SLC4A4: variants seen among roughly 807,000 people sequenced by gnomAD.
SLC4A4 encodes the protein electrogenic sodium bicarbonate cotransporter 1.
A neutral mutation model predicts 111.5 loss-of-function variants in SLC4A4; 27 were observed. That is an observed-to-expected ratio of 0.24 (90% confidence interval 0.18 to 0.33). The LOEUF is 0.33. Among genes scored for constraint, SLC4A4 ranks in the 10% least tolerant of loss-of-function variants. The probability of loss-of-function intolerance (pLI) is 1.00; values close to 1 mark genes in which losing one functional copy is unlikely to be tolerated. For missense variants in SLC4A4, 909 were observed against 1,315.5 expected (o/e 0.69, Z 4.78); for synonymous variants, 443 against 463.4 (o/e 0.96, Z 0.57).
At chr4:71,156,405 T>G (rs1282457503) in intron 2 of SLC4A4, among the ~76,000 whole-genome samples, 2 of 152,166 alleles carry the variant, frequency 1.3e-5, no homozygotes, top group Non-Finnish European at 2.9e-5. Context: ...GTCATGCTTT[T>G]GATAAGTTCT....
chr4:71,278,623 A>G (rs1261534659), intron 3 of SLC4A4, among the ~76,000 whole-genome samples: 2 of 152,158 alleles, frequency 1.3e-5, no homozygotes, highest in African/African-American at 2.4e-5. Context: ...TTTTCATAAT[A>G]GTTATCCTAA....
At chr4:71,366,315 TTGTGTG>T (rs71673473) in intron 6 of SLC4A4, among the ~76,000 whole-genome samples, 176 of 138,002 alleles carry the variant, frequency 1.3e-3, no homozygotes, top group South Asian at 3.1e-3. Context: ...TCTGGAGATA[TTGTGTG>T]TGTGTGTGTG....
chr4:71,224,812 T>C (rs1459567851), intron 1 of SLC4A4, among the ~76,000 whole-genome samples: 2 of 152,192 alleles, frequency 1.3e-5, no homozygotes, highest in African/African-American at 4.8e-5. Context: ...TAGTTAATTA[T>C]GAAAGAGTAT....
intron 7 of SLC4A4, among the ~76,000 whole-genome samples, chr4:71,439,415 A>C (rs557198082): frequency 6.2e-5 from 8 of 128,828 alleles, no homozygotes; most frequent in Middle Eastern, 8.3e-3. Context: ...CAACCTGGGC[A>C]ACAGAGCAAG....
At chr4:71,565,705 G>T (rs568998918) in intron 24 of SLC4A4, among the ~76,000 whole-genome samples, 2 of 151,930 alleles carry the variant, frequency 1.3e-5, no homozygotes, top group African/African-American at 4.8e-5. Flanking sequence ...GAACAGAGCA[G>T]GTTTTGTTTC....
intron 16 of SLC4A4, among the ~76,000 whole-genome samples, chr4:71,523,722 C>T (rs934786250): frequency 6.6e-6 from 1 of 152,118 alleles, no homozygotes; most frequent in Admixed American, 6.6e-5. Context: ...CTAAGTTATA[C>T]ATATGACTGA....
chr4:71,549,349 A>C (rs921285125), intron 20 of SLC4A4, among the ~76,000 whole-genome samples: 1 of 151,828 alleles, frequency 6.6e-6, no homozygotes. Flanking sequence ...CAGTGAGATC[A>C]TTTTTAGAGA....
At chr4:71,295,114 C>G (rs949956303) in intron 3 of SLC4A4, among the ~76,000 whole-genome samples, 1 of 152,118 alleles carries the variant, frequency 6.6e-6, no homozygotes, top group Non-Finnish European at 1.5e-5. Context: ...GTAAACAGCT[C>G]ATTTCTGCAG....
chr4:71,508,101 C>A (rs538297658), intron 16 of SLC4A4, among the ~76,000 whole-genome samples: 2 of 152,152 alleles, frequency 1.3e-5, no homozygotes, highest in East Asian at 3.9e-4. Flanking sequence ...TAAGAGGGAA[C>A]TTTATAGCAC....
intron 3 of SLC4A4, among the ~76,000 whole-genome samples, chr4:71,325,786 G>A (rs530664988): frequency 3.3e-5 from 5 of 152,064 alleles, no homozygotes; most frequent in African/African-American, 1.2e-4. Flanking sequence ...GGTTATACAA[G>A]TATAAAGATG....
In SLC4A4 at chr4:71,309,279, T is replaced by C. The variant is rs188334152; in HGVS notation, c.254-30091T>C. ...ACCTGGGAGAAGGGGTGGCTGTGGG[T>C]GCAGCTTCAGTGGACTTAAACATTC... On this transcript the variant is annotated intron_variant, in intron 3 of 25. Transcript: ENST00000264485. Among the ~76,000 whole-genome samples, 152 of 152,246 alleles carry C rather than the reference T, an allele frequency of 1.0e-3. 3 individuals are homozygous for C. In the East Asian group the frequency reaches 0.028, roughly 28 times the overall value.
intron 6 of SLC4A4, among the ~76,000 whole-genome samples, chr4:71,364,532 T>C (rs1367887929): frequency 6.6e-6 from 1 of 152,188 alleles, no homozygotes; most frequent in Non-Finnish European, 1.5e-5. Flanking sequence ...TACTGACTGG[T>C]GAGAGCCCTT....
In SLC4A4 at chr4:71,532,034, G is replaced by A. The variant is rs369455320; in HGVS notation, c.2167-28G>A. On this transcript the variant is annotated intron_variant, in intron 16 of 25. Coordinates refer to ENST00000264485, the MANE Select transcript of SLC4A4 (RefSeq NM_001098484.3). ...AAATATATGTATCTGGTGCTAAATG[G>A]TTCCTGGTTTCTTTTTTATTTTTCC... 3.1e-5 allele frequency: 41 copies of A among 1,333,266 alleles called. No individual in the cohort carries two copies. In the African/African-American group the frequency reaches 5.1e-4, roughly 16 times the overall value. The allele number at this position is 1,333,266 out of a possible 1,614,324, so 82.6% of individuals were successfully genotyped here. A position where few individuals can be genotyped will look rare whatever the true frequency, so the allele number is the denominator to read the frequency against.
intron 3 of SLC4A4, among the ~76,000 whole-genome samples, chr4:71,297,795 T>C (rs1166850084): frequency 2.0e-5 from 3 of 151,920 alleles, no homozygotes; most frequent in East Asian, 3.9e-4. Flanking sequence ...ACCATGTTGA[T>C]TGGGCTGATC....
intron 2 of SLC4A4, among the ~76,000 whole-genome samples, chr4:71,101,598 G>A (rs113104933): frequency 0.055 from 8,327 of 152,208 alleles, 713 homozygotes; most frequent in African/African-American, 0.18. Flanking sequence ...TGCCTCCTCA[G>A]GTGGGTCCCT....
At chr4:71,183,731 C>T (rs1578561068), upstream of SLC4A4, among the ~76,000 whole-genome samples, 1 of 152,212 alleles carries the variant, frequency 6.6e-6, no homozygotes, top group African/African-American at 2.4e-5. Flanking sequence ...CAAACAACTA[C>T]AAGTCCAAAC....
rs547419458 is a variant in SLC4A4 at position 71,424,509 on chromosome 4, A to G, written c.808-16107A>G. Reference sequence around the variant, plus strand: ...TTAGTGGGTATATACCCAAAGGACTATAAATCATGCTGCTATAAAGACACA... The same window carrying G: ...TTAGTGGGTATATACCCAAAGGACTGTAAATCATGCTGCTATAAAGACACA... On this transcript the variant is annotated intron_variant, in intron 7 of 25. Transcript: ENST00000264485. Among the ~76,000 whole-genome samples the G allele has an allele frequency of 2.0e-5, 3 of 152,194 alleles. 1 individual carries two copies. The South Asian group carries it at 6.2e-4, about 32-fold the overall frequency.
At chr4:71,107,232 AATT>A (rs1742956830) in intron 2 of SLC4A4, among the ~76,000 whole-genome samples, 1 of 152,094 alleles carries the variant, frequency 6.6e-6, no homozygotes, top group Non-Finnish European at 1.5e-5. Context: ...TATTTTAAGG[AATT>A]ATTAATAGGA....
intron 13 of SLC4A4, among the ~76,000 whole-genome samples, chr4:71,468,409 A>G (rs2149102165): frequency 6.6e-6 from 1 of 152,178 alleles, no homozygotes. Context: ...TGTTTTAAGT[A>G]ATTGTGAGAT....
Sources: allele counts gnomAD v4.1 joint callset (sites outside exome capture counted in the v4.1 genomes callset), GRCh38; gene constraint gnomAD v4.1.1; transcripts MANE v1.5; gene names NCBI Gene and HGNC (gene_info 2026-07-23, HGNC 2026-07-21).